Variants in TNFAIP8 observed in about 807,000 individuals in gnomAD.
TNFAIP8 encodes TNF alpha induced protein 8, also known as tumor necrosis factor alpha-induced protein 8.
Under a neutral mutation model 13.3 loss-of-function variants are expected in TNFAIP8, and 7 were observed. The observed-to-expected ratio is 0.52, with a 90% CI of 0.30 to 0.99. TNFAIP8 has a LOEUF of 0.99. Ranked by LOEUF, TNFAIP8 falls within the 50% of genes least tolerant of loss-of-function variation. The pLI is 0.07. For synonymous variants in TNFAIP8, 94 were observed against 87.6 expected, an observed-to-expected ratio of 1.07 and a Z score of -0.41; for missense variants, 258 against 236.9, an observed-to-expected ratio of 1.09 and a Z score of -0.58.
In TNFAIP8 at chr5:119,270,706, C is replaced by T. The variant is rs1422713474; in HGVS notation, c.1+1799C>T. On this transcript the variant is annotated intron_variant, in intron 1 of 1. Coordinates refer to the TNFAIP8 transcript ENST00000274456. ...AGTAAATAAAGTTTAGGGAAGTAGACTACCACCTACTCCTCTGTAAAATAT... is the reference window on the plus strand; with the variant it reads ...AGTAAATAAAGTTTAGGGAAGTAGATTACCACCTACTCCTCTGTAAAATAT... Among the ~76,000 whole-genome samples the T allele has an allele frequency of 3.3e-5, 5 of 152,190 alleles. No individual in the cohort carries two copies. In the East Asian group the frequency reaches 9.6e-4, roughly 29 times the overall value.
intron 1 of TNFAIP8, among the ~76,000 whole-genome samples, chr5:119,322,275 C>G (rs1750082595): frequency 6.6e-6 from 1 of 152,230 alleles, no homozygotes; most frequent in African/African-American, 2.4e-5. Context: ...CCAGCACCAT[C>G]AGCAGTGCTC....
intron 1 of TNFAIP8, among the ~76,000 whole-genome samples, chr5:119,381,675 A>G (rs1752490111): frequency 6.6e-6 from 1 of 152,156 alleles, no homozygotes. Flanking sequence ...GTCCCGGGTA[A>G]GATTTCTTGG....
intron 1 of TNFAIP8, among the ~76,000 whole-genome samples, chr5:119,286,240 C>G (rs1312918174): frequency 1.3e-5 from 2 of 152,132 alleles, no homozygotes; most frequent in African/African-American, 2.4e-5. Flanking sequence ...CTGCACTTCC[C>G]CAGCCTTTAC....
chr5:119,295,612 G>C (rs890245964), intron 1 of TNFAIP8, among the ~76,000 whole-genome samples: 1 of 152,052 alleles, frequency 6.6e-6, no homozygotes, highest in African/African-American at 2.4e-5. Context: ...TGGCTATGCG[G>C]GCTCTTTTTT....
intron 1 of TNFAIP8, among the ~76,000 whole-genome samples, chr5:119,308,873 A>T (rs1440512323): frequency 1.3e-5 from 2 of 151,162 alleles, no homozygotes; most frequent in Admixed American, 1.3e-4. Context: ...AAAAAAAAAA[A>T]AGACCATTCT....
intron 1 of TNFAIP8, among the ~76,000 whole-genome samples, chr5:119,341,319 T>G (rs1750730218): frequency 6.6e-6 from 1 of 152,156 alleles, no homozygotes; most frequent in African/African-American, 2.4e-5. Flanking sequence ...AATGTGTAAA[T>G]AGTGCTCTAT....
chr5:119,380,758 C>T (rs1035040155), intron 1 of TNFAIP8, among the ~76,000 whole-genome samples: 4 of 152,138 alleles, frequency 2.6e-5, no homozygotes, highest in African/African-American at 9.7e-5. Flanking sequence ...TAGAGTTAGG[C>T]TCTGTTCAAA....
At chr5:119,290,080 C>A (rs916225028) in intron 1 of TNFAIP8, among the ~76,000 whole-genome samples, 1 of 151,582 alleles carries the variant, frequency 6.6e-6, no homozygotes, top group Non-Finnish European at 1.5e-5. Flanking sequence ...TCTCTGCCCT[C>A]TAGGACTTAT....
chr5:119,373,244 C>G (rs1378303509), intron 1 of TNFAIP8, among the ~76,000 whole-genome samples: 2 of 152,038 alleles, frequency 1.3e-5, no homozygotes, highest in Non-Finnish European at 2.9e-5. Context: ...GTTAGTACAC[C>G]AAGAATGACT....
At chr5:119,331,651 G>A (rs917249391) in intron 1 of TNFAIP8, among the ~76,000 whole-genome samples, 2 of 152,350 alleles carry the variant, frequency 1.3e-5, no homozygotes, top group East Asian at 3.9e-4. Flanking sequence ...TGGAGCATGT[G>A]TAAGGGCCCT....
intron 1 of TNFAIP8, among the ~76,000 whole-genome samples, chr5:119,308,630 C>T (rs908494485): frequency 4.0e-5 from 6 of 151,816 alleles, no homozygotes; most frequent in Non-Finnish European, 7.4e-5. Flanking sequence ...TTTGGGAGGC[C>T]GAGGCGGGTA....
intron 1 of TNFAIP8, among the ~76,000 whole-genome samples, chr5:119,388,970 C>T (rs1014409238): frequency 6.6e-6 from 1 of 152,022 alleles, no homozygotes; most frequent in Non-Finnish European, 1.5e-5. Context: ...TTTCTTGAAA[C>T]TCTGGCTGAT....
chr5:119,334,751 G>C (rs995210954), intron 1 of TNFAIP8, among the ~76,000 whole-genome samples: 19 of 151,688 alleles, frequency 1.3e-4, no homozygotes, highest in African/African-American at 4.6e-4. Flanking sequence ...CTCCAGCCTG[G>C]TGACAGAGTG....
At chr5:119,291,095 T>G (rs1748972984) in intron 1 of TNFAIP8, among the ~76,000 whole-genome samples, 1 of 152,228 alleles carries the variant, frequency 6.6e-6, no homozygotes, top group African/African-American at 2.4e-5. Flanking sequence ...TCCAGTATTA[T>G]CCAGGTAGTC....
intron 1 of TNFAIP8, among the ~76,000 whole-genome samples, chr5:119,325,075 A>C (rs918725083): frequency 5.3e-5 from 8 of 151,768 alleles, no homozygotes; most frequent in African/African-American, 1.9e-4. Flanking sequence ...CTCTTAAAAA[A>C]TAAAAAATAA....
At chr5:119,363,024 G>A (rs1751693652) in intron 1 of TNFAIP8, among the ~76,000 whole-genome samples, 1 of 152,130 alleles carries the variant, frequency 6.6e-6, no homozygotes, top group Admixed American at 6.5e-5. Context: ...GGGAAAGGAG[G>A]GGACTGGGCC....
chr5:119,343,600 A>C (rs1364231985), intron 1 of TNFAIP8, among the ~76,000 whole-genome samples: 1 of 152,242 alleles, frequency 6.6e-6, no homozygotes, highest in Non-Finnish European at 1.5e-5. Context: ...AGTGTCCAGC[A>C]TGCATTGTAT....
chr5:119,360,002 A>C (rs138887725), intron 1 of TNFAIP8, among the ~76,000 whole-genome samples: 278 of 152,364 alleles, frequency 1.8e-3, no homozygotes, highest in African/African-American at 6.3e-3. Context: ...TCTCCTCTAC[A>C]GTGGACATCA....
intron 1 of TNFAIP8, among the ~76,000 whole-genome samples, chr5:119,391,080 T>C (rs887126480): frequency 6.6e-6 from 1 of 151,164 alleles, no homozygotes; most frequent in Non-Finnish European, 1.5e-5. Context: ...ATCCTCTCCC[T>C]ACCTGGGCCT....
Sources: allele counts gnomAD v4.1 joint callset (sites outside exome capture counted in the v4.1 genomes callset), GRCh38; gene constraint gnomAD v4.1.1; transcripts MANE v1.5; gene names NCBI Gene and HGNC (gene_info 2026-07-23, HGNC 2026-07-21).